Variants in NPAS3 observed in about 807,000 individuals in gnomAD.
NPAS3 encodes neuronal PAS domain protein 3, also known as neuronal PAS domain-containing protein 3.
NPAS3 carries 14 observed loss-of-function variants against 73.1 expected under a neutral mutation model. The ratio of observed to expected loss-of-function variants is 0.19; its 90% CI spans 0.13 to 0.30. The LOEUF (loss-of-function observed/expected upper bound fraction) is 0.30. NPAS3 is among the 10% of genes least tolerant of loss of function. NPAS3 has a pLI of 1.00. For synonymous variants in NPAS3, 620 were observed against 541.5 expected (o/e 1.14, Z -2.01); for missense variants, 1,096 against 1,250.0 (o/e 0.88, Z 1.86).
chr14:33,745,875 A>G (rs557688949), intron 7 of NPAS3, among the ~76,000 whole-genome samples: 14 of 152,362 alleles, frequency 9.2e-5, no homozygotes, highest in African/African-American at 3.4e-4. Context: ...AGAAGCACAT[A>G]CCAAATGGTT....
rs1486004332 is a variant in NPAS3, at chr14:33,203,981, T to C, written c.141-11201T>C. ...ATTTCTCCACATCCTCTCCAGCACC[T>C]GTTGTGTCCTGACTTTTTAATGACT... On this transcript the variant is annotated intron_variant, in intron 2 of 11. Transcript: ENST00000356141. 2.0e-5 allele frequency among the ~76,000 whole-genome samples: 3 copies of C among 152,172 alleles called. No individual in the cohort carries two copies. In the East Asian group the frequency reaches 5.8e-4, roughly 29 times the overall value.
chr14:33,423,425 G>A (rs2139057156), intron 4 of NPAS3, among the ~76,000 whole-genome samples: 1 of 151,968 alleles, frequency 6.6e-6, no homozygotes, highest in East Asian at 1.9e-4. Flanking sequence ...AATATACCTT[G>A]CTAAAAGTCA....
At chr14:33,541,096 G>GGGGTGTGTGTGTGTGTGTGT (rs1555409250) in intron 4 of NPAS3, among the ~76,000 whole-genome samples, 1 of 142,780 alleles carries the variant, frequency 7.0e-6, no homozygotes, top group Non-Finnish European at 1.5e-5. Context: ...TATGTTTAGA[G>GGGGTGTGTGTGTGTGTGTGT]GTGTGTGTGT....
chr14:33,312,026 G>C (rs1164912909), intron 3 of NPAS3, among the ~76,000 whole-genome samples: 1 of 152,094 alleles, frequency 6.6e-6, no homozygotes, highest in Non-Finnish European at 1.5e-5. Flanking sequence ...GATCTGGAAA[G>C]GGAGCTTTCC....
intron 5 of NPAS3, among the ~76,000 whole-genome samples, chr14:33,598,002 G>C (rs1322903517): frequency 6.6e-6 from 1 of 152,146 alleles, no homozygotes; most frequent in East Asian, 1.9e-4. Context: ...AGTCTCTGGG[G>C]ATTAAAACAA....
At chr14:33,017,468 G>A (rs1312284160) in intron 1 of NPAS3, among the ~76,000 whole-genome samples, 1 of 152,140 alleles carries the variant, frequency 6.6e-6, no homozygotes, top group African/African-American at 2.4e-5. Context: ...AGGGATTTAT[G>A]GGTTTTGGAG....
chr14:33,690,255 G>A (rs187624545), intron 6 of NPAS3, among the ~76,000 whole-genome samples: 1 of 152,246 alleles, frequency 6.6e-6, no homozygotes, highest in Non-Finnish European at 1.5e-5. Context: ...TTTCGTGTAG[G>A]AGGACTCCAG....
chr14:33,077,779 T>TG (rs1276629703), intron 2 of NPAS3, among the ~76,000 whole-genome samples: 1 of 147,624 alleles, frequency 6.8e-6, no homozygotes, highest in African/African-American at 2.5e-5. Flanking sequence ...TAAGGGTTTT[T>TG]TTTTTTTTTT....
chr14:33,542,772 G>A (rs754107614), intron 4 of NPAS3, among the ~76,000 whole-genome samples: 4 of 152,188 alleles, frequency 2.6e-5, no homozygotes, highest in Non-Finnish European at 4.4e-5. Flanking sequence ...GCCTGAGTGC[G>A]CACGCACATG....
At chr14:33,731,409 A>C (rs2061395497) in intron 6 of NPAS3, among the ~76,000 whole-genome samples, 1 of 128,858 alleles carries the variant, frequency 7.8e-6, no homozygotes, top group African/African-American at 2.9e-5. Flanking sequence ...ACAGAGGAAG[A>C]CCCTGTCTCA....
At chr14:33,641,357 C>G (rs2058670908) in intron 5 of NPAS3, among the ~76,000 whole-genome samples, 1 of 152,148 alleles carries the variant, frequency 6.6e-6, no homozygotes, top group South Asian at 2.1e-4. Flanking sequence ...AAAAATAACA[C>G]AGTCCCTAAT....
At chr14:33,613,889 C>G (rs1312031877) in intron 5 of NPAS3, among the ~76,000 whole-genome samples, 4 of 152,158 alleles carry the variant, frequency 2.6e-5, no homozygotes, top group Non-Finnish European at 5.9e-5. Flanking sequence ...TCCTTCTCCC[C>G]CCTCTTATAG....
At chr14:33,342,389 T>C (rs970053467) in intron 3 of NPAS3, among the ~76,000 whole-genome samples, 8 of 152,166 alleles carry the variant, frequency 5.3e-5, no homozygotes, top group South Asian at 2.1e-4. Context: ...ATGTGTGTGG[T>C]CCTGTTTGCA....
intron 5 of NPAS3, among the ~76,000 whole-genome samples, chr14:33,582,646 A>G (rs922224408): frequency 1.3e-5 from 2 of 152,066 alleles, no homozygotes; most frequent in Non-Finnish European, 2.9e-5. Context: ...TCATTTCTCT[A>G]TTTCTGCCTA....
intron 4 of NPAS3, among the ~76,000 whole-genome samples, chr14:33,557,891 C>A (rs533219596): frequency 1.1e-4 from 16 of 152,308 alleles, no homozygotes; most frequent in Non-Finnish European, 2.1e-4. Flanking sequence ...ATGGTGTGAA[C>A]CCGGGAGGCG....
chr14:33,457,343 A>C (rs1435006423), intron 4 of NPAS3, among the ~76,000 whole-genome samples: 2 of 152,260 alleles, frequency 1.3e-5, no homozygotes, highest in African/African-American at 4.8e-5. Context: ...AGAGTGAAAT[A>C]GTACTAACCA....
At chr14:33,539,336 T>A (rs1426577415) in intron 4 of NPAS3, among the ~76,000 whole-genome samples, 3 of 151,990 alleles carry the variant, frequency 2.0e-5, no homozygotes, top group African/African-American at 7.3e-5. Context: ...CATGAACTCT[T>A]AAGAGGGAGG....
chr14:32,979,183 AGTT>A (rs2037802732), intron 1 of NPAS3, among the ~76,000 whole-genome samples: 4 of 152,140 alleles, frequency 2.6e-5, no homozygotes, highest in Non-Finnish European at 5.9e-5. Context: ...TTATTTTAAT[AGTT>A]ATTATTCTGA....
intron 1 of NPAS3, among the ~76,000 whole-genome samples, chr14:32,989,366 C>T (rs894234977): frequency 3.3e-5 from 5 of 152,122 alleles, no homozygotes; most frequent in African/African-American, 4.8e-5. Context: ...AGTTTGTGGC[C>T]GGGCACGGTG....
Sources: allele counts gnomAD v4.1 joint callset (sites outside exome capture counted in the v4.1 genomes callset), GRCh38; gene constraint gnomAD v4.1.1; transcripts MANE v1.5; gene names NCBI Gene and HGNC (gene_info 2026-07-23, HGNC 2026-07-21).